BTF3L4: variants seen among roughly 807,000 people sequenced by gnomAD.
The protein encoded by BTF3L4 is transcription factor BTF3 homolog 4.
A neutral mutation model predicts 16.8 loss-of-function variants in BTF3L4; 6 were observed. The ratio of observed to expected loss-of-function variants is 0.36; its 90% confidence interval spans 0.20 to 0.71. The LOEUF (loss-of-function observed/expected upper bound fraction) is 0.71. BTF3L4 is among the 30% of genes least tolerant of loss of function. BTF3L4 has a pLI of 0.58. For synonymous variants in BTF3L4, 39 were observed against 59.8 expected, an observed-to-expected ratio of 0.65 and a Z score of 1.60; for missense variants, 92 against 186.9, an observed-to-expected ratio of 0.49 and a Z score of 2.96.
At position 52,064,851 on chromosome 1, in the gene BTF3L4, G is replaced by A. The variant is rs1414279138; in HGVS notation, c.81G>A (p.Val27=). The part of the protein sequence containing the change: ...GKGTARRKKK[V]VHRTATADDK... ...GTACAGCTCGCAGAAAGAAGAAGGTGGTACATAGAACAGCCACAGCTGATG... is the reference window on the plus strand; with the variant it reads ...GTACAGCTCGCAGAAAGAAGAAGGTAGTACATAGAACAGCCACAGCTGATG... The change falls in exon 3 of 6, where the codon GTG becomes GTA. Residue 27 remains valine, a synonymous_variant. Coordinates refer to ENST00000313334, the MANE Select transcript of BTF3L4 (RefSeq NM_152265.5). 2 of 1,611,358 alleles carry A rather than the reference G, an allele frequency of 1.2e-6. No individual in the cohort carries two copies. The highest frequency in any genetic ancestry group is 1.7e-6 in the Non-Finnish European group (2 of 1,179,100).
chr1:52,064,260 T>G (rs2783196), intron 2 of BTF3L4, among the ~76,000 whole-genome samples: 140,309 of 152,226 alleles, frequency 0.92, 65,532 homozygotes, highest in Non-Finnish European at 1. Flanking sequence ...TAATAAAGTA[T>G]TGCTTTGCCC....
At chr1:52,073,491 CAT>C (rs1491326955) in intron 3 of BTF3L4, among the ~76,000 whole-genome samples, 2 of 76,718 alleles carry the variant, frequency 2.6e-5, no homozygotes, top group Non-Finnish European at 2.5e-5. Flanking sequence ...ATATATGCTA[CAT>C]ACACACACAC....
intron 4 of BTF3L4, among the ~76,000 whole-genome samples, chr1:52,084,946 A>G (rs1390334343): frequency 6.6e-6 from 1 of 151,758 alleles, no homozygotes; most frequent in Non-Finnish European, 1.5e-5. Context: ...AAATGAAAAA[A>G]TCTAGTATTG....
At chr1:52,073,860 T>C (rs1412182179) in intron 3 of BTF3L4, among the ~76,000 whole-genome samples, 2 of 151,644 alleles carry the variant, frequency 1.3e-5, no homozygotes, top group Non-Finnish European at 2.9e-5. Flanking sequence ...TAGCCGGGCG[T>C]GGTGGTGGGC....
Position 52,083,189 on chromosome 1 carries a change from T to A in BTF3L4, c.169-151T>A, listed in dbSNP as rs1223487215. On this transcript the variant is annotated intron_variant, in intron 3 of 5. Transcript: ENST00000313334. ...CATTTTACTTTATTACTATGATCTT[T>A]TTCCACGAATGTCCGTTGCTTGGCC... 1.6e-5 allele frequency: 10 copies of A among 641,696 alleles called. No homozygotes were observed. The East Asian group carries it at 2.8e-4, about 18-fold the overall frequency. The allele number at this position is 641,696 out of a possible 1,614,324, so 39.8% of individuals were successfully genotyped here. A position where few individuals can be genotyped will look rare whatever the true frequency, so the allele number is the denominator to read the frequency against.
intron 3 of BTF3L4, among the ~76,000 whole-genome samples, chr1:52,066,101 C>G (rs1686640356): frequency 6.6e-6 from 1 of 152,026 alleles, no homozygotes; most frequent in Non-Finnish European, 1.5e-5. Context: ...AAATATGAGA[C>G]CAAAGATTAA....
intron 1 of BTF3L4, 60 bp from the exon 2 acceptor site, chr1:52,059,774 TA>T: frequency 6.8e-7 from 1 of 1,460,652 alleles, no homozygotes; most frequent in Non-Finnish European, 9.6e-7. Context: ...TACTGTTGCA[TA>T]AACAGTTTGT....
chr1:52,057,859 T>C (rs1686413284), intron 1 of BTF3L4, among the ~76,000 whole-genome samples: 1 of 152,254 alleles, frequency 6.6e-6, no homozygotes, highest in Non-Finnish European at 1.5e-5. Flanking sequence ...TGTTCTTTCA[T>C]CTATACCTTG....
intron 1 of BTF3L4, among the ~76,000 whole-genome samples, chr1:52,059,002 T>A (rs962218416): frequency 6.6e-6 from 1 of 152,238 alleles, no homozygotes; most frequent in Non-Finnish European, 1.5e-5. Context: ...CAGACTAGAT[T>A]CATGACTATA....
At chr1:52,077,968 A>G (rs1481449002) in intron 3 of BTF3L4, among the ~76,000 whole-genome samples, 1 of 152,182 alleles carries the variant, frequency 6.6e-6, no homozygotes, top group African/African-American at 2.4e-5. Flanking sequence ...ACAGCCCAGG[A>G]GATTCTGGGC....
chr1:52,068,615 T>C (rs1686710312), intron 3 of BTF3L4, among the ~76,000 whole-genome samples: 1 of 152,176 alleles, frequency 6.6e-6, no homozygotes, highest in Non-Finnish European at 1.5e-5. Flanking sequence ...TAATTTATCC[T>C]GCTTTTGCTG....
chr1:52,065,636 C>T (rs563103550), intron 3 of BTF3L4, among the ~76,000 whole-genome samples: 1 of 152,252 alleles, frequency 6.6e-6, no homozygotes, highest in Admixed American at 6.5e-5. Context: ...CCCTAATGCA[C>T]CTGTATATTT....
chr1:52,066,545 A>G (rs1045303488), intron 3 of BTF3L4, among the ~76,000 whole-genome samples: 26 of 148,542 alleles, frequency 1.8e-4, no homozygotes, highest in South Asian at 2.3e-4. Flanking sequence ...TTTTACTGCC[A>G]TAAGTTAAAT....
chr1:52,066,908 A>G (rs2783198), intron 3 of BTF3L4, among the ~76,000 whole-genome samples: 140,204 of 152,100 alleles, frequency 0.92, 65,488 homozygotes, highest in Non-Finnish European at 1. Context: ...TAGGTGACTA[A>G]TGTACATGTG....
chr1:52,059,983 A>T, intron 2 of BTF3L4, 82 bp downstream of exon 2: 1 of 1,327,504 alleles, frequency 7.5e-7, no homozygotes, highest in Non-Finnish European at 1.0e-6. Flanking sequence ...GGTCATTGAA[A>T]ATCTAAAATC....
chr1:52,079,837 C>A, intron 3 of BTF3L4, among the ~76,000 whole-genome samples: 1 of 150,570 alleles, frequency 6.6e-6, no homozygotes. Context: ...GACAAGCTCT[C>A]ATGAGGCCAT....
intron 3 of BTF3L4, among the ~76,000 whole-genome samples, chr1:52,079,661 A>G (rs1164212658): frequency 1.3e-5 from 2 of 152,110 alleles, no homozygotes; most frequent in African/African-American, 4.8e-5. Context: ...TAGCCTTCAG[A>G]AGAGAAACTT....
At chr1:52,073,488 C>CACACACACA (rs1488574781) in intron 3 of BTF3L4, among the ~76,000 whole-genome samples, 1 of 87,300 alleles carries the variant, frequency 1.1e-5, no homozygotes, top group African/African-American at 4.6e-5. Context: ...TATATATATG[C>CACACACACA]TACATACACA....
At chr1:52,069,456 T>C (rs761407710) in intron 3 of BTF3L4, among the ~76,000 whole-genome samples, 5 of 152,154 alleles carry the variant, frequency 3.3e-5, no homozygotes, top group African/African-American at 1.2e-4. Flanking sequence ...AATATAGATA[T>C]GATTTTCAGA....
Sources: allele counts gnomAD v4.1 joint callset (sites outside exome capture counted in the v4.1 genomes callset), GRCh38; gene constraint gnomAD v4.1.1; transcripts MANE v1.5; gene names NCBI Gene and HGNC (gene_info 2026-07-23, HGNC 2026-07-21).